GLI2: variants seen among roughly 807,000 people sequenced by gnomAD.
GLI2 encodes GLI family zinc finger 2.
In GLI2, 22 loss-of-function variants were observed where a neutral mutation model predicts 78.9. The observed-to-expected ratio is 0.28, with a 90% CI of 0.20 to 0.40. GLI2 has a LOEUF of 0.40. GLI2 is among the 10% of genes least tolerant of loss of function. The probability of loss-of-function intolerance (pLI) is 1.00; values close to 1 mark genes in which losing one functional copy is unlikely to be tolerated. For missense variants in GLI2, 2,097 were observed against 2,213.2 expected (o/e 0.95, Z 1.05); for synonymous variants, 974 against 963.7 (o/e 1.01, Z -0.20).
rs1683270075 is a variant in GLI2 at position 120,990,897 on chromosome 2, A to C, written c.*222A>C. On this transcript the variant is annotated 3_prime_UTR_variant, in exon 14 of 14. Coordinates refer to ENST00000361492, the MANE Select transcript of GLI2 (RefSeq NM_001374353.1). The stretch of plus-strand genomic sequence containing the variant: ...GAACAATGAAAAAAGTCTCCATAGG[A>C]CAGGAAGGAATGCAAAACTCATTTA... 7 of 572,668 alleles carry C rather than the reference A, an allele frequency of 1.2e-5. No individual in the cohort carries two copies. The highest frequency in any genetic ancestry group is 2.2e-5 in the Non-Finnish European group (7 of 323,076). The allele number at this position is 572,668 out of a possible 1,614,324, so 35.5% of individuals were successfully genotyped here. A position where few individuals can be genotyped will look rare whatever the true frequency, so the allele number is the denominator to read the frequency against.
chr2:120,886,713 A>G (rs971476921), intron 2 of GLI2, among the ~76,000 whole-genome samples: 4 of 152,218 alleles, frequency 2.6e-5, no homozygotes, highest in Non-Finnish European at 4.4e-5. Flanking sequence ...CAGGAAATAA[A>G]GGGGCCTGGA....
Position 120,955,409 on chromosome 2 carries a change from G to A in GLI2, c.622G>A (p.Asp208Asn), listed in dbSNP as rs1021891477. The A allele has an allele frequency of 2.7e-5, 44 of 1,608,824 alleles. No homozygotes were observed. The highest frequency in any genetic ancestry group is 3.3e-4 in the Middle Eastern group (2 of 6,044). ...CGCTGCCAGCGCACCCCATCTCCAC[G>A]ACTACCTCAACCCCGTGGACGGTGA... Reference protein sequence around the residue: ...GGAASAPHLHDYLNPVDVSRF... With the variant: ...GGAASAPHLHNYLNPVDVSRF... Residue 208 changes from aspartate (D) to asparagine (N), a missense_variant, in exon 5 of 14, where the codon GAC becomes AAC. Asp to Asn is a conservative substitution (Grantham distance 23). This residue lies in a region of GLI2 where 578 missense variants were observed against 612.0 expected (regional missense o/e 0.94). Coordinates refer to ENST00000361492, the MANE Select transcript of GLI2 (RefSeq NM_001374353.1).
intron 1 of GLI2, among the ~76,000 whole-genome samples, chr2:120,792,996 A>G (rs537995570): frequency 6.6e-6 from 1 of 152,324 alleles, no homozygotes; most frequent in South Asian, 2.1e-4. Flanking sequence ...CTGCTTCTGT[A>G]TCAGAAAGAC....
intron 9 of GLI2, among the ~76,000 whole-genome samples, chr2:120,976,182 GCACACACATGCACA>G (rs1383723763): frequency 1.3e-5 from 2 of 152,130 alleles, no homozygotes; most frequent in Non-Finnish European, 2.9e-5. Flanking sequence ...ACACGCACGT[GCACACACATGCACA>G]CACACACATG....
At chr2:120,775,347 G>A (rs952660261) in intron 1 of GLI2, among the ~76,000 whole-genome samples, 9 of 152,150 alleles carry the variant, frequency 5.9e-5, no homozygotes, top group South Asian at 2.1e-4. Flanking sequence ...ATTATGCTTC[G>A]TGACGCGTGT....
At chr2:120,811,234 G>T (rs573602122) in intron 2 of GLI2, among the ~76,000 whole-genome samples, 93 of 152,248 alleles carry the variant, frequency 6.1e-4, no homozygotes, top group Non-Finnish European at 1.1e-3. Context: ...GGAGAGGCCT[G>T]GGCACCTGTA....
chr2:120,990,368 C>T lies in GLI2; in HGVS notation c.4403C>T (p.Pro1468Leu). The T allele has an allele frequency of 6.2e-7, 1 of 1,614,116 alleles. No homozygotes were observed. Among genetic ancestry groups the T allele is most frequent in the Non-Finnish European group, 8.5e-7 (1 of 1,180,040 alleles). Residue 1468 changes from proline to leucine, a missense_variant, in exon 14 of 14, where the codon CCC (proline) becomes CTC (leucine). This residue lies in a region of GLI2 where 1,290 missense variants were observed against 1,261.7 expected (regional missense o/e 1.02). Transcript: ENST00000361492. ...CAGGCCTGTCAGGACAGCATCCAGC[C>T]CCAGCCCTTGCCCTCACCAGGGGTC... ...QPQACQDSIQ[P>L]QPLPSPGVNQ...
chr2:120,971,773 A>T lies in GLI2; in HGVS notation c.1060-168A>T, dbSNP rs528216464. On this transcript the variant is annotated intron_variant, in intron 7 of 13. Transcript: ENST00000361492. ...GGTCTGGGTGCTCTCCTGTAGCAGGACATGTGCCCCTGGCAGGACTGAGCT... is the reference window on the plus strand; with the variant it reads ...GGTCTGGGTGCTCTCCTGTAGCAGGTCATGTGCCCCTGGCAGGACTGAGCT... Among the ~76,000 whole-genome samples, 5 of 152,318 alleles carry T rather than the reference A, an allele frequency of 3.3e-5. No homozygotes were observed. The East Asian group carries it at 7.7e-4, about 23-fold the overall frequency.
intron 1 of GLI2, among the ~76,000 whole-genome samples, chr2:120,738,368 G>A (rs112883146): frequency 3.9e-5 from 6 of 152,312 alleles, no homozygotes; most frequent in African/African-American, 1.2e-4. Context: ...CCTGGGATTC[G>A]AATTCCACTC....
At chr2:120,739,094 T>C (rs992544801) in intron 1 of GLI2, among the ~76,000 whole-genome samples, 5 of 152,220 alleles carry the variant, frequency 3.3e-5, no homozygotes, top group African/African-American at 9.6e-5. Flanking sequence ...GGCTGTGTAC[T>C]GTAGCTGGCT....
In GLI2 at chr2:120,797,416, C is replaced by T. The variant is rs1476969699; in HGVS notation, c.96C>T (p.Ala32=). 6.8e-6 allele frequency: 11 copies of T among 1,613,948 alleles called. No homozygotes were observed. The highest frequency in any genetic ancestry group is 9.3e-6 in the Non-Finnish European group (11 of 1,179,952). The part of the protein sequence containing the change: ...AAGFPDPGKK[A]SPLVVAAAAA... ...GCTTCCCCGACCCGGGTAAAAAGGC[C>T]TCTCCTTTGGTGGTGGCTGCAGCGG... Residue 32 remains alanine (A), a synonymous_variant, in exon 2 of 14, where the codon GCC becomes GCT. Coordinates refer to ENST00000361492, the MANE Select transcript of GLI2 (RefSeq NM_001374353.1).
intron 1 of GLI2, among the ~76,000 whole-genome samples, chr2:120,760,427 G>C (rs1683178558): frequency 6.6e-6 from 1 of 152,204 alleles, no homozygotes; most frequent in Non-Finnish European, 1.5e-5. Context: ...TGATTTCCCA[G>C]GAAGTGGAGG....
chr2:120,875,833 T>A (rs1468731741), intron 2 of GLI2, among the ~76,000 whole-genome samples: 1 of 152,046 alleles, frequency 6.6e-6, no homozygotes, highest in South Asian at 2.1e-4. Flanking sequence ...GCCTACCAGA[T>A]GCTAAACCAT....
intron 2 of GLI2, among the ~76,000 whole-genome samples, chr2:120,809,032 T>G (rs1685102990): frequency 6.6e-6 from 1 of 152,092 alleles, no homozygotes; most frequent in Non-Finnish European, 1.5e-5. Context: ...CTCCGATAAT[T>G]GAAAACCTAT....
chr2:120,895,383 G>T (rs1023587071), intron 2 of GLI2, among the ~76,000 whole-genome samples: 4 of 152,154 alleles, frequency 2.6e-5, no homozygotes, highest in Non-Finnish European at 5.9e-5. Context: ...CTTAGAATTG[G>T]GGTGAATTGT....
intron 2 of GLI2, among the ~76,000 whole-genome samples, chr2:120,884,432 T>C (rs938332554): frequency 2.6e-5 from 4 of 152,168 alleles, no homozygotes; most frequent in African/African-American, 9.7e-5. Flanking sequence ...AGTGAGTCCC[T>C]CACCTCCCTG....
At chr2:120,959,845 A>G (rs1234670332) in intron 5 of GLI2, among the ~76,000 whole-genome samples, 1 of 152,150 alleles carries the variant, frequency 6.6e-6, no homozygotes, top group Admixed American at 6.5e-5. Context: ...CACTGAGAAA[A>G]TTGTGTGGGC....
intron 2 of GLI2, among the ~76,000 whole-genome samples, chr2:120,895,036 T>C (rs1292666293): frequency 2.0e-5 from 3 of 152,158 alleles, no homozygotes; most frequent in African/African-American, 7.2e-5. Flanking sequence ...GGGTGCCTCC[T>C]TGAGGACCTG....
intron 2 of GLI2, among the ~76,000 whole-genome samples, chr2:120,896,696 TACACACACACACACACACACAC>T (rs70954513): frequency 7.8e-6 from 1 of 128,820 alleles, no homozygotes; most frequent in African/African-American, 2.8e-5. Flanking sequence ...CACACACCCA[TACACACACACACACACACACAC>T]ACACACACAC....
Sources: gnomAD v4.1 joint callset for allele counts (sites outside exome capture counted in the v4.1 genomes callset) on GRCh38, gnomAD v4.1.1 for gene constraint, gnomAD v4.1.1 regional missense constraint, MANE v1.5 for transcripts, NCBI Gene and HGNC (gene_info 2026-07-23, HGNC 2026-07-21) for gene names.